UBAC2: variants seen among roughly 807,000 people sequenced by gnomAD.
The protein encoded by UBAC2 is UBA domain containing 2, also known as ubiquitin-associated domain-containing protein 2.
UBAC2 carries 26 observed loss-of-function variants against 44.0 expected under a neutral mutation model. That is an observed-to-expected ratio of 0.59 (90% CI 0.43 to 0.82). The LOEUF (loss-of-function observed/expected upper bound fraction) is 0.82, where lower values mean the gene tolerates loss of function less well. Ranked by LOEUF, UBAC2 falls within the 40% of genes least tolerant of loss-of-function variation. UBAC2 has a pLI of 0.00. For synonymous variants in UBAC2, 155 were observed against 154.3 expected (o/e 1.00, Z -0.04); for missense variants, 329 against 419.4 (o/e 0.78, Z 1.88).
intron 7 of UBAC2, among the ~76,000 whole-genome samples, chr13:99,351,152 A>T (rs1566516767): frequency 6.6e-6 from 1 of 152,234 alleles, no homozygotes; most frequent in Non-Finnish European, 1.5e-5. Context: ...GGGATAAAAA[A>T]AATTATACAA....
chr13:99,327,812 T>C (rs891769715), intron 6 of UBAC2, among the ~76,000 whole-genome samples: 5 of 152,236 alleles, frequency 3.3e-5, no homozygotes, highest in Admixed American at 3.3e-4. Context: ...ATCTTCACAT[T>C]CTTTTTTATT....
chr13:99,249,852 G>T (rs1279425280), intron 4 of UBAC2, among the ~76,000 whole-genome samples: 1 of 151,978 alleles, frequency 6.6e-6, no homozygotes, highest in Non-Finnish European at 1.5e-5. Context: ...TTGTGTGTTG[G>T]CCGCTTGCGT....
chr13:99,250,623 T>TAAG (rs2043446331), intron 4 of UBAC2, among the ~76,000 whole-genome samples: 1 of 152,244 alleles, frequency 6.6e-6, no homozygotes, highest in South Asian at 2.1e-4. Flanking sequence ...CATTGTGGTT[T>TAAG]GCTAGGAATA....
chr13:99,347,480 T>C (rs1323514133), intron 7 of UBAC2, among the ~76,000 whole-genome samples: 1 of 152,096 alleles, frequency 6.6e-6, no homozygotes, highest in Non-Finnish European at 1.5e-5. Context: ...AATATCACTC[T>C]GTTCTGACTG....
At chr13:99,342,487 C>T (rs1393380252) in intron 7 of UBAC2, among the ~76,000 whole-genome samples, 2 of 152,108 alleles carry the variant, frequency 1.3e-5, no homozygotes, top group Admixed American at 6.6e-5. Context: ...AGTTATCAGG[C>T]ACACACAGTC....
intron 1 of UBAC2, among the ~76,000 whole-genome samples, chr13:99,219,926 A>G (rs1038044327): frequency 1.3e-5 from 2 of 152,106 alleles, no homozygotes; most frequent in Non-Finnish European, 2.9e-5. Context: ...ATAATATTCT[A>G]TTGTATGGAT....
At chr13:99,254,572 C>G (rs1458735940) in intron 4 of UBAC2, 1 of 198,148 alleles carries the variant, frequency 5.0e-6, no homozygotes, top group East Asian at 1.3e-4. Flanking sequence ...ATAATTTAAT[C>G]AAATTATTTT....
chr13:99,341,497 A>T (rs1015026242), intron 7 of UBAC2, among the ~76,000 whole-genome samples: 1 of 152,144 alleles, frequency 6.6e-6, no homozygotes, highest in Non-Finnish European at 1.5e-5. Flanking sequence ...TTTCTTAAAG[A>T]TGTGCTTGAA....
At chr13:99,326,527 A>G (rs1377755817) in intron 6 of UBAC2, among the ~76,000 whole-genome samples, 1 of 152,212 alleles carries the variant, frequency 6.6e-6, no homozygotes, top group African/African-American at 2.4e-5. Context: ...TAAAAACTTA[A>G]TATTATCAAA....
At chr13:99,202,412 CAGTG>C (rs1171128178) in intron 1 of UBAC2, among the ~76,000 whole-genome samples, 2 of 152,174 alleles carry the variant, frequency 1.3e-5, no homozygotes, top group African/African-American at 4.8e-5. Context: ...TGGGATCACA[CAGTG>C]AGCCAGGAAC....
intron 4 of UBAC2, among the ~76,000 whole-genome samples, chr13:99,271,420 C>A (rs1045821265): frequency 6.6e-6 from 1 of 152,082 alleles, no homozygotes; most frequent in East Asian, 1.9e-4. Flanking sequence ...ACAGCTGGAG[C>A]AGAGTGATGG....
intron 4 of UBAC2, among the ~76,000 whole-genome samples, chr13:99,276,091 C>G (rs1319511633): frequency 6.6e-6 from 1 of 152,136 alleles, no homozygotes; most frequent in African/African-American, 2.4e-5. Context: ...AGTCTCAAGA[C>G]CTTCCGTTTT....
At chr13:99,376,780 T>G (rs2045485518) in intron 8 of UBAC2, 2 of 152,202 alleles carry the variant, frequency 1.3e-5, no homozygotes, top group Non-Finnish European at 2.9e-5. Context: ...TGATATTTTG[T>G]GGTGAGGATT....
intron 6 of UBAC2, among the ~76,000 whole-genome samples, chr13:99,318,363 C>A (rs2044521484): frequency 6.6e-6 from 1 of 151,574 alleles, no homozygotes; most frequent in Non-Finnish European, 1.5e-5. Context: ...GATGGGGTTT[C>A]TCCATGTTGG....
At chr13:99,243,734 C>T in intron 2 of UBAC2, 98 bp from the exon 3 acceptor site, 4 of 1,054,524 alleles carry the variant, frequency 3.8e-6, no homozygotes, top group Non-Finnish European at 5.5e-6. Context: ...TTGTTTAGGA[C>T]ATTAAAAATA....
chr13:99,256,539 G>A (rs1217529391), intron 4 of UBAC2: 2 of 151,972 alleles, frequency 1.3e-5, no homozygotes, highest in African/African-American at 4.8e-5. Flanking sequence ...AGCTAGTGCC[G>A]TTAGTAACTT....
At chr13:99,267,764 C>G (rs898708275) in intron 4 of UBAC2, among the ~76,000 whole-genome samples, 1 of 152,102 alleles carries the variant, frequency 6.6e-6, no homozygotes, top group African/African-American at 2.4e-5. Context: ...ATAAAAAATA[C>G]CAAAATATAG....
At chr13:99,378,118 G>A (rs780126217) in intron 8 of UBAC2, among the ~76,000 whole-genome samples, 12 of 152,126 alleles carry the variant, frequency 7.9e-5, no homozygotes, top group Non-Finnish European at 1.5e-4. Context: ...TTTCTGCAGC[G>A]TTAGCATCAT....
At chr13:99,352,787 A>C (rs2045114586) in intron 7 of UBAC2, among the ~76,000 whole-genome samples, 1 of 142,298 alleles carries the variant, frequency 7.0e-6, no homozygotes, top group African/African-American at 2.4e-5. Context: ...GTGAAATGTG[A>C]TGGTCACTCT....
Sources: gnomAD v4.1 joint callset for allele counts (sites outside exome capture counted in the v4.1 genomes callset) on GRCh38, gnomAD v4.1.1 for gene constraint, MANE v1.5 for transcripts, NCBI Gene and HGNC (gene_info 2026-07-23, HGNC 2026-07-21) for gene names.